LRRK2: variants seen among roughly 807,000 people sequenced by gnomAD.
LRRK2 encodes leucine-rich repeat serine/threonine-protein kinase 2.
LRRK2 carries 203 observed loss-of-function variants against 302.6 expected under a neutral mutation model. The ratio of observed to expected loss-of-function variants is 0.67; its 90% CI spans 0.60 to 0.75. The LOEUF (loss-of-function observed/expected upper bound fraction) is 0.75, where lower values mean the gene tolerates loss of function less well. Ranked by LOEUF, LRRK2 falls within the 30% of genes least tolerant of loss-of-function variation. The probability of loss-of-function intolerance (pLI) is 0.00; values close to 1 mark genes in which losing one functional copy is unlikely to be tolerated. For synonymous variants in LRRK2, 1,066 were observed against 1,031.9 expected, an observed-to-expected ratio of 1.03 and a Z score of -0.63; for missense variants, 2,830 against 2,951.0, an observed-to-expected ratio of 0.96 and a Z score of 0.95.
chr12:40,322,057 A>G lies in LRRK2; in HGVS notation c.5193A>G (p.Arg1731=), dbSNP rs1454233440. 1.9e-6 allele frequency: 3 copies of G among 1,613,354 alleles called. No homozygotes were observed. The highest frequency in any genetic ancestry group is 2.5e-6 in the Non-Finnish European group (3 of 1,179,468). The change falls in exon 36 of 51, where the codon AGA becomes AGG. Residue 1731 remains arginine (R), a synonymous_variant. Coordinates refer to ENST00000298910, the MANE Select transcript of LRRK2 (RefSeq NM_198578.4). ...SGRERALRPN[R]MYWRQGIYLN... is the part of the protein sequence containing the mutation. The stretch of plus-strand genomic sequence containing the variant: ...TAGAACGAGCACTTCGCCCAAACAG[A>G]ATGTATTGGCGACAAGGCATTTACT...
At chr12:40,249,734 A>G (rs1942169312) in intron 7 of LRRK2, 92 bp from the exon 8 acceptor site, 2 of 1,395,302 alleles carry the variant, frequency 1.4e-6, no homozygotes, top group Non-Finnish European at 2.0e-6. Flanking sequence ...ATTCATCACC[A>G]TTCAAAATTA....
At chr12:40,312,025 G>T (rs1945052812) in intron 31 of LRRK2, among the ~76,000 whole-genome samples, 1 of 150,866 alleles carries the variant, frequency 6.6e-6, no homozygotes, top group East Asian at 1.9e-4. Flanking sequence ...AGAATATTTT[G>T]AGTTTCCCTT....
chr12:40,287,320 T>G (rs1484506128), intron 19 of LRRK2, 31 bp from the exon 20 acceptor site: 5 of 1,587,638 alleles, frequency 3.1e-6, no homozygotes, highest in Admixed American at 1.7e-5. Flanking sequence ...ATTGTTGATT[T>G]CTAAGTTGCT....
chr12:40,251,132 A>G, intron 8 of LRRK2, 100 bp from the exon 9 acceptor site: 1 of 793,064 alleles, frequency 1.3e-6, no homozygotes. Context: ...AGCACACCTC[A>G]TTCTGTTGGT....
chr12:40,338,286 G>A (rs1174104229), intron 40 of LRRK2, among the ~76,000 whole-genome samples: 1 of 152,144 alleles, frequency 6.6e-6, no homozygotes, highest in Non-Finnish European at 1.5e-5. Context: ...TACAAAGATG[G>A]CTTTGTATAC....
At chr12:40,340,239 A>T in intron 40 of LRRK2, 55 bp from the exon 41 acceptor site, 1 of 1,580,884 alleles carries the variant, frequency 6.3e-7, no homozygotes, top group Admixed American at 1.7e-5. Flanking sequence ...ATTAGGACAA[A>T]AATTATTATA....
intron 21 of LRRK2, among the ~76,000 whole-genome samples, chr12:40,294,080 C>T (rs751075722): frequency 1.3e-5 from 2 of 151,742 alleles, no homozygotes; most frequent in Non-Finnish European, 2.9e-5. Flanking sequence ...CTGAAGGACA[C>T]TGAACAAGAT....
chr12:40,303,644 A>G (rs1197055242), intron 26 of LRRK2, among the ~76,000 whole-genome samples: 1 of 152,070 alleles, frequency 6.6e-6, no homozygotes, highest in African/African-American at 2.4e-5. Context: ...CTAGCTTTAG[A>G]ATGTGTTTAA....
chr12:40,272,904 G>A (rs1442422629), intron 14 of LRRK2, among the ~76,000 whole-genome samples: 2 of 152,090 alleles, frequency 1.3e-5, no homozygotes, highest in African/African-American at 4.8e-5. Context: ...AGAAATAAAG[G>A]AAAAATGGTA....
At chr12:40,309,285 C>CGTGTGTGT in intron 30 of LRRK2, 52 bp downstream of exon 30, 9 of 1,316,662 alleles carry the variant, frequency 6.8e-6, no homozygotes, top group African/African-American at 1.5e-5. Flanking sequence ...TGTCTGTGTG[C>CGTGTGTGT]GTGTGTGTGT....
chr12:40,345,019 G>A, intron 41 of LRRK2, among the ~76,000 whole-genome samples: 1 of 152,042 alleles, frequency 6.6e-6, no homozygotes, highest in African/African-American at 2.4e-5. Context: ...GCATGGTGAG[G>A]ACTGCTGAGC....
At chr12:40,273,866 C>T (rs1393046368) in intron 14 of LRRK2, among the ~76,000 whole-genome samples, 2 of 151,972 alleles carry the variant, frequency 1.3e-5, no homozygotes, top group Admixed American at 1.3e-4. Context: ...AGTAGGATGG[C>T]CTGGACAAAG....
intron 5 of LRRK2, among the ~76,000 whole-genome samples, chr12:40,238,464 C>T (rs1941573111): frequency 6.6e-6 from 1 of 152,132 alleles, no homozygotes; most frequent in South Asian, 2.1e-4. Flanking sequence ...CACCAGAAAT[C>T]ATAGAAATTG....
At chr12:40,300,305 G>C (rs1944576922) in intron 25 of LRRK2, among the ~76,000 whole-genome samples, 1 of 152,032 alleles carries the variant, frequency 6.6e-6, no homozygotes, top group African/African-American at 2.4e-5. Flanking sequence ...TGAAATAATA[G>C]AGGAAATTAT....
chr12:40,259,664 A>G, intron 13 of LRRK2, 60 bp downstream of exon 13: 3 of 1,592,694 alleles, frequency 1.9e-6, no homozygotes, highest in Non-Finnish European at 1.7e-6. Context: ...TTGATTTTTC[A>G]TGAAATAGCA....
At chr12:40,331,768 G>A (rs1187421242) in intron 39 of LRRK2, among the ~76,000 whole-genome samples, 1 of 152,126 alleles carries the variant, frequency 6.6e-6, no homozygotes, top group Non-Finnish European at 1.5e-5. Flanking sequence ...GCAGCAATGA[G>A]TTTATCAGAT....
In LRRK2 at chr12:40,305,781, T is replaced by A. The variant is rs1565734559; in HGVS notation, c.3778-4T>A. 1 of 1,613,400 alleles carries A rather than the reference T, an allele frequency of 6.2e-7. No homozygotes were observed. The highest frequency in any genetic ancestry group is 8.5e-7 in the Non-Finnish European group (1 of 1,179,654). On this transcript the variant is annotated splice_polypyrimidine_tract_variant and splice_region_variant and intron_variant, in intron 27 of 50. Transcript: ENST00000298910. ...CAGGTTTTGCCCTTTTTTTTCCCATTAAGATTCCTCCTGAGATTGGCTGTC... is the reference window on the plus strand; with the variant it reads ...CAGGTTTTGCCCTTTTTTTTCCCATAAAGATTCCTCCTGAGATTGGCTGTC...
At chr12:40,328,513 G>A in intron 39 of LRRK2, 53 bp downstream of exon 39, 1 of 1,352,924 alleles carries the variant, frequency 7.4e-7, no homozygotes, top group Non-Finnish European at 1.0e-6. Flanking sequence ...TAATCTACTG[G>A]AACTCTTATT....
rs771019157 is a variant in LRRK2 at position 40,299,182 on chromosome 12, A to G, written c.3421A>G (p.Ile1141Val). The G allele has an allele frequency of 3.7e-6, 6 of 1,613,474 alleles. No homozygotes were observed. The African/African-American group carries it at 4.0e-5, about 11-fold the overall frequency. ...GATTTTAAACCTTAGTAAGAACCACATTTCATCCCTATCAGAGAACTTTCT... is the reference window on the plus strand; with the variant it reads ...GATTTTAAACCTTAGTAAGAACCACGTTTCATCCCTATCAGAGAACTTTCT... ...LKILNLSKNH[I>V]SSLSENFLEA... The change falls in exon 25 of 51, where the codon ATT (isoleucine) becomes GTT (valine). Residue 1141 changes from isoleucine to valine, a missense_variant. Ile to Val is a conservative substitution (Grantham distance 29). Around this residue, in one of 3 missense-constraint regions of LRRK2, gnomAD observed 2,121 missense variants for 2,148.0 expected, o/e 0.99. Coordinates refer to ENST00000298910, the MANE Select transcript of LRRK2 (RefSeq NM_198578.4).
Sources: gnomAD v4.1 joint callset for allele counts (sites outside exome capture counted in the v4.1 genomes callset) on GRCh38, gnomAD v4.1.1 for gene constraint, gnomAD v4.1.1 regional missense constraint, MANE v1.5 for transcripts, NCBI Gene and HGNC (gene_info 2026-07-23, HGNC 2026-07-21) for gene names.